The following TMEM178B variants were observed in gnomAD, a reference collection of about 807,000 sequenced individuals.
TMEM178B encodes transmembrane protein 178B.
In TMEM178B, 5 loss-of-function variants were observed where a neutral mutation model predicts 31.0. The ratio of observed to expected loss-of-function variants is 0.16; its 90% CI spans 0.08 to 0.34. The LOEUF is 0.34. Ranked by LOEUF, TMEM178B falls within the 10% of genes least tolerant of loss-of-function variation. The pLI is 1.00. For synonymous variants in TMEM178B, 164 were observed against 164.0 expected (o/e 1.00, Z 0.00); for missense variants, 275 against 400.3 (o/e 0.69, Z 2.67).
intron 2 of TMEM178B, among the ~76,000 whole-genome samples, chr7:141,377,532 G>A (rs1800239359): frequency 6.6e-6 from 1 of 151,960 alleles, no homozygotes; most frequent in African/African-American, 2.4e-5. Context: ...TTAGCTAGGC[G>A]TGGCAGTGGA....
At chr7:141,367,777 G>T (rs1384905063) in intron 2 of TMEM178B, among the ~76,000 whole-genome samples, 1 of 152,160 alleles carries the variant, frequency 6.6e-6, no homozygotes, top group Non-Finnish European at 1.5e-5. Context: ...AGACTGAGGG[G>T]TTTCCTATGG....
At chr7:141,325,465 C>T (rs1164647034) in intron 2 of TMEM178B, among the ~76,000 whole-genome samples, 1 of 152,156 alleles carries the variant, frequency 6.6e-6, no homozygotes, top group Non-Finnish European at 1.5e-5. Context: ...CTCCCACTGT[C>T]CCCCAGGGAC....
chr7:141,198,880 G>C (rs530681171), intron 1 of TMEM178B, among the ~76,000 whole-genome samples: 1 of 152,216 alleles, frequency 6.6e-6, no homozygotes, highest in African/African-American at 2.4e-5. Context: ...CAGGGTGGTG[G>C]CAGCTCGCGG....
chr7:141,280,650 C>A (rs1207784395), intron 2 of TMEM178B, among the ~76,000 whole-genome samples: 1 of 152,222 alleles, frequency 6.6e-6, no homozygotes, highest in Non-Finnish European at 1.5e-5. Flanking sequence ...CGGACTAATA[C>A]AGCACCACTA....
intron 1 of TMEM178B, among the ~76,000 whole-genome samples, chr7:141,124,075 G>T (rs2129176781): frequency 6.6e-6 from 1 of 151,718 alleles, no homozygotes; most frequent in Admixed American, 6.6e-5. Context: ...GTTTTTAAAG[G>T]TTTCAAACAG....
At chr7:141,222,972 AAAG>A (rs1210878118) in intron 2 of TMEM178B, among the ~76,000 whole-genome samples, 1 of 152,168 alleles carries the variant, frequency 6.6e-6, no homozygotes, top group African/African-American at 2.4e-5. Flanking sequence ...ACAGTCTCTA[AAAG>A]AAGATTTATG....
At chr7:141,230,674 T>C (rs1446339853) in intron 2 of TMEM178B, among the ~76,000 whole-genome samples, 1 of 152,220 alleles carries the variant, frequency 6.6e-6, no homozygotes, top group Admixed American at 6.5e-5. Flanking sequence ...CCTTGCTCTG[T>C]CACTCAGGTT....
At chr7:141,134,591 T>C (rs1795645212) in intron 1 of TMEM178B, among the ~76,000 whole-genome samples, 1 of 151,966 alleles carries the variant, frequency 6.6e-6, no homozygotes, top group Non-Finnish European at 1.5e-5. Flanking sequence ...CAAACTGCAA[T>C]GATAAACATT....
chr7:141,150,645 G>C (rs548751413), intron 1 of TMEM178B, among the ~76,000 whole-genome samples: 2 of 152,352 alleles, frequency 1.3e-5, no homozygotes, highest in Admixed American at 6.5e-5. Context: ...ACTTCTCTAG[G>C]ATGAGAGAGA....
At chr7:141,339,485 A>G (rs1563156016) in intron 2 of TMEM178B, among the ~76,000 whole-genome samples, 1 of 152,220 alleles carries the variant, frequency 6.6e-6, no homozygotes, top group Admixed American at 6.5e-5. Flanking sequence ...GCAGGGGGTC[A>G]GAAAACCAAG....
chr7:141,285,280 A>G (rs573203349), intron 2 of TMEM178B, among the ~76,000 whole-genome samples: 1 of 148,014 alleles, frequency 6.8e-6, no homozygotes, highest in African/African-American at 2.5e-5. Context: ...CCTCCCGAGT[A>G]GCTGGGACTA....
At chr7:141,352,837 T>C (rs1474938175) in intron 2 of TMEM178B, 6 of 152,318 alleles carry the variant, frequency 3.9e-5, no homozygotes, top group Non-Finnish European at 8.8e-5. Flanking sequence ...TGAAATAAAG[T>C]GATGCAACCT....
intron 2 of TMEM178B, among the ~76,000 whole-genome samples, chr7:141,310,541 G>T (rs565382019): frequency 6.6e-6 from 1 of 152,292 alleles, no homozygotes; most frequent in South Asian, 2.1e-4. Flanking sequence ...AGCCCTGCAT[G>T]CATTAGGTAT....
At chr7:141,117,351 T>C (rs908251703) in intron 1 of TMEM178B, among the ~76,000 whole-genome samples, 2 of 152,182 alleles carry the variant, frequency 1.3e-5, no homozygotes, top group Middle Eastern at 3.2e-3. Flanking sequence ...TGCCCACTTT[T>C]TGATGGTTTT....
chr7:141,228,649 C>A (rs1797385862), intron 2 of TMEM178B, among the ~76,000 whole-genome samples: 1 of 152,184 alleles, frequency 6.6e-6, no homozygotes. Flanking sequence ...CTCATAACAG[C>A]TTAAGCCCTT....
intron 2 of TMEM178B, among the ~76,000 whole-genome samples, chr7:141,367,473 C>T (rs946041192): frequency 7.9e-5 from 12 of 151,984 alleles, no homozygotes; most frequent in African/African-American, 2.9e-4. Flanking sequence ...TGGGGTTTCG[C>T]CCTGTTAGCC....
intron 2 of TMEM178B, among the ~76,000 whole-genome samples, chr7:141,410,946 T>G (rs976277778): frequency 1.2e-4 from 19 of 152,202 alleles, no homozygotes; most frequent in Non-Finnish European, 2.5e-4. Context: ...TAAGTAAAAT[T>G]AATCAGATAC....
intron 1 of TMEM178B, among the ~76,000 whole-genome samples, chr7:141,123,634 G>A (rs994208034): frequency 6.6e-6 from 1 of 152,186 alleles, no homozygotes; most frequent in Non-Finnish European, 1.5e-5. Context: ...ATTGGTAGTG[G>A]GGGAGCTAGA....
chr7:141,354,596 C>T (rs57434409), intron 2 of TMEM178B, among the ~76,000 whole-genome samples: 5 of 152,140 alleles, frequency 3.3e-5, no homozygotes, highest in African/African-American at 1.2e-4. Context: ...TGTATTCTTT[C>T]GTATCCCCTT....
Sources: allele counts gnomAD v4.1 joint callset (sites outside exome capture counted in the v4.1 genomes callset), GRCh38; gene constraint gnomAD v4.1.1; transcripts MANE v1.5; gene names NCBI Gene and HGNC (gene_info 2026-07-23, HGNC 2026-07-21).